The following GLS2 variants were observed in gnomAD, a reference collection of about 807,000 sequenced individuals.
GLS2 encodes glutaminase 2, also known as glutaminase liver isoform, mitochondrial.
GLS2 carries 52 observed loss-of-function variants against 79.0 expected under a neutral mutation model. That is an observed-to-expected ratio of 0.66 (90% CI 0.53 to 0.83). GLS2 has a LOEUF of 0.83. Among genes scored for constraint, GLS2 ranks in the 40% least tolerant of loss-of-function variants. The pLI is 0.00. For missense variants in GLS2, 561 were observed against 764.8 expected (o/e 0.73, Z 3.14); for synonymous variants, 238 against 280.8 (o/e 0.85, Z 1.52).
At chr12:56,473,205 A>G in intron 14 of GLS2, 23 bp downstream of exon 14, 1 of 1,609,312 alleles carries the variant, frequency 6.2e-7, no homozygotes, top group Non-Finnish European at 8.5e-7. Flanking sequence ...ATATTCTTAC[A>G]AGCCACCTGG....
In GLS2 at chr12:56,488,156, A is replaced by G; in HGVS notation, c.-38T>C. On this transcript the variant is annotated 5_prime_UTR_variant, in exon 1 of 18. Coordinates refer to ENST00000311966, the MANE Select transcript of GLS2 (RefSeq NM_013267.4). ...CTCCGGCTCTGCAGGTGCGCCCGGG[A>G]CCTCTAGCTGTGGCTGGGAAGGAGG... is the stretch of plus-strand genomic sequence containing the variant. 1 of 1,507,172 alleles carries G rather than the reference A, an allele frequency of 6.6e-7. No individual in the cohort carries two copies. Among genetic ancestry groups the G allele is most frequent in the African/African-American group, 1.4e-5 (1 of 70,816 alleles). The allele number at this position is 1,507,172 out of a possible 1,614,324, so 93.4% of individuals were successfully genotyped here.
intron 1 of GLS2, among the ~76,000 whole-genome samples, chr12:56,486,671 T>C (rs1445079923): frequency 6.6e-6 from 1 of 152,082 alleles, no homozygotes; most frequent in Non-Finnish European, 1.5e-5. Context: ...TGAAACCCTG[T>C]CTCTACTAAA....
chr12:56,482,212 CAG>C (rs1006604073), intron 1 of GLS2, among the ~76,000 whole-genome samples: 5 of 151,978 alleles, frequency 3.3e-5, no homozygotes, highest in African/African-American at 1.2e-4. Context: ...GCCTGGGTGA[CAG>C]AGTGAGACTT....
chr12:56,472,926 C>T lies in GLS2; in HGVS notation c.1450-175G>A, dbSNP rs555865729. 272 of 573,316 alleles carry T rather than the reference C, an allele frequency of 4.7e-4. 4 individuals carry two copies. The South Asian group carries it at 5.4e-3, about 11-fold the overall frequency. The allele number at this position is 573,316 out of a possible 1,614,324, so 35.5% of individuals were successfully genotyped here. A position where few individuals can be genotyped will look rare whatever the true frequency, so the allele number is the denominator to read the frequency against. On this transcript the variant is annotated intron_variant, in intron 14 of 17. Transcript: ENST00000311966. ...TTTTTGAGACGGAGTCTCGCTCTGT[C>T]GTTCAGGCTGAAGTGTAGTGGCGCG...
chr12:56,472,535 A>G (rs188512388), intron 15 of GLS2, 155 bp downstream of exon 15: 888 of 677,694 alleles, frequency 1.3e-3, no homozygotes, highest in Admixed American at 3.0e-3. Flanking sequence ...TTTTTTTAAA[A>G]AAAATCTCCT....
Position 56,473,247 on chromosome 12 carries a change from C to G in GLS2, c.1430G>C (p.Arg477Pro). 1 of 1,614,080 alleles carries G rather than the reference C, an allele frequency of 6.2e-7. No individual in the cohort carries two copies. The change falls in exon 14 of 18, where the codon CGT becomes CCT. Residue 477 changes from arginine to proline, a missense_variant. Coordinates refer to ENST00000311966, the MANE Select transcript of GLS2 (RefSeq NM_013267.4). The part of the protein sequence containing the change: ...RHCARKLDPR[R>P]EGAEIRNKTV... ...CCTTACCCGAATTTCTGCCCCTTCA[C>G]GCCGTGGGTCTAACTTCCGAGCACA...
At chr12:56,478,416 C>A (rs947167382) in intron 4 of GLS2, 154 bp from the exon 5 acceptor site, 5 of 722,238 alleles carry the variant, frequency 6.9e-6, no homozygotes, top group Non-Finnish European at 1.2e-5. Context: ...CAGAAATGCC[C>A]GAGCCTTAAG....
intron 1 of GLS2, among the ~76,000 whole-genome samples, chr12:56,483,083 C>CTTT (rs756613672): frequency 1.4e-5 from 2 of 141,266 alleles, no homozygotes; most frequent in South Asian, 2.2e-4. Flanking sequence ...CTTTTTCTTT[C>CTTT]TTTTTTTTTT....
chr12:56,478,108 C>T lies in GLS2; in HGVS notation c.615-12G>A. 1 of 1,613,962 alleles carries T rather than the reference C, an allele frequency of 6.2e-7. No homozygotes were observed. Among genetic ancestry groups the T allele is most frequent in the Non-Finnish European group, 8.5e-7 (1 of 1,179,872 alleles). The stretch of plus-strand genomic sequence containing the variant: ...GGCCCACAGAGTGCCTGGAGGCAGA[C>T]AGATGCCATGAAAGGGGTTGGCCTG... On this transcript the variant is annotated splice_polypyrimidine_tract_variant and intron_variant, in intron 5 of 17. Coordinates refer to ENST00000311966, the MANE Select transcript of GLS2 (RefSeq NM_013267.4).
chr12:56,475,929 T>A lies in GLS2; in HGVS notation c.870+16A>T. On this transcript the variant is annotated intron_variant, in intron 8 of 17. Transcript: ENST00000311966. ...TGGCGAAATGCAGCCAGGGGCTAAGTAGCAAGGGAACTTACAAAATCAAAC... is the reference window on the plus strand; with the variant it reads ...TGGCGAAATGCAGCCAGGGGCTAAGAAGCAAGGGAACTTACAAAATCAAAC... 6 of 1,613,748 alleles carry A rather than the reference T, an allele frequency of 3.7e-6. No homozygotes were observed. Among genetic ancestry groups the A allele is most frequent in the Non-Finnish European group, 4.2e-6 (5 of 1,179,852 alleles).
chr12:56,473,862 G>C (rs889467139), intron 12 of GLS2: 3 of 374,018 alleles, frequency 8.0e-6, no homozygotes, highest in Non-Finnish European at 1.4e-5. Flanking sequence ...TCTGGTGTTA[G>C]GAGATAGGTA....
At position 56,474,660 on chromosome 12, in the gene GLS2, C is replaced by G; in HGVS notation, c.1108G>C (p.Gly370Arg). The G allele has an allele frequency of 1.9e-6, 3 of 1,613,776 alleles. No homozygotes were observed. Among genetic ancestry groups the G allele is most frequent in the Non-Finnish European group, 2.5e-6 (3 of 1,179,740 alleles). Residue 370 changes from glycine (G) to arginine (R), a missense_variant, in exon 12 of 18, where the codon GGT becomes CGT. By Grantham distance (125) the Gly-to-Arg change is moderately radical. This residue lies in a region of GLS2 where 221 missense variants were observed against 275.6 expected (regional missense o/e 0.80). Coordinates refer to ENST00000311966, the MANE Select transcript of GLS2 (RefSeq NM_013267.4). ...GSVMAATLAN[G>R]GICPITGESV... is the part of the protein sequence containing the mutation. ...TCGCCTGTGATGGGGCAGATCCCAC[C>G]GTTGGCGAGGGTGGCTGCCATGACA... is the stretch of plus-strand genomic sequence containing the variant.
At chr12:56,478,329 G>A in intron 4 of GLS2, 67 bp from the exon 5 acceptor site, 2 of 1,521,010 alleles carry the variant, frequency 1.3e-6, no homozygotes, top group Admixed American at 3.4e-5. Context: ...GAGGTTGAGG[G>A]TCAAGAGAAT....
Position 56,472,531 on chromosome 12 carries a change from T to TA in GLS2, c.1511+158dup, listed in dbSNP as rs200578396. On this transcript the variant is annotated intron_variant, in intron 15 of 17. Transcript: ENST00000311966. ...CATAGAGCAGACAGTTTACTTTTTTTAAAAAAAATCTCCTTTTTTAAAAAA... is the reference window on the plus strand; with the variant it reads ...CATAGAGCAGACAGTTTACTTTTTTTAAAAAAAAATCTCCTTTTTTAAAAAA... 1.9e-3 allele frequency: 1,266 copies of TA among 662,094 alleles called. 11 individuals carry two copies. The African/African-American group carries it at 0.019, about 10-fold the overall frequency. The allele number at this position is 662,094 out of a possible 1,614,324, so 41.0% of individuals were successfully genotyped here.
chr12:56,476,589 A>G (rs1869837010), intron 7 of GLS2: 1 of 145,248 alleles, frequency 6.9e-6, no homozygotes, highest in African/African-American at 2.6e-5. Flanking sequence ...ACCCTGCCTC[A>G]ATTTTTTTTT....
In GLS2 at chr12:56,488,041, C is replaced by T; in HGVS notation, c.78G>A (p.Pro26=). The T allele has an allele frequency of 1.3e-6, 2 of 1,590,524 alleles. No individual in the cohort carries two copies. The highest frequency in any genetic ancestry group is 1.7e-5 in the Admixed American group (1 of 58,500). Residue 26 remains proline, a synonymous_variant, in exon 1 of 18, where the codon CCG becomes CCA. Coordinates refer to ENST00000311966, the MANE Select transcript of GLS2 (RefSeq NM_013267.4). ...CCCCGCCAAGGAGGGGGCTCCGGCT[C>T]GGGTGACCCCAGCCTCCTCGCCCGC... ...SHCGRGGWGH[P]SRSPLLGGGV...
rs371631854 is a variant in GLS2 at position 56,479,067 on chromosome 12, C to T, written c.519G>A (p.Glu173=). The T allele has an allele frequency of 9.3e-6, 15 of 1,613,658 alleles. No homozygotes were observed. The highest frequency in any genetic ancestry group is 1.3e-5 in the Non-Finnish European group (15 of 1,179,934). The stretch of plus-strand genomic sequence containing the variant: ...TGACTCTCACTTTGCCTCCAGTGAG[C>T]TCTTTGACATCCTCAAAGATGCGAT... ...HVDRIFEDVK[E]LTGGKVAAYI... is the part of the protein sequence containing the mutation. The change falls in exon 4 of 18, where the codon GAG becomes GAA. Residue 173 remains glutamate, a synonymous_variant. Transcript: ENST00000311966.
chr12:56,477,871 T>G, intron 6 of GLS2, 62 bp downstream of exon 6: 1 of 1,563,784 alleles, frequency 6.4e-7, no homozygotes, highest in Non-Finnish European at 8.7e-7. Flanking sequence ...GGCTGGGAGA[T>G]GGGGTGGGGA....
chr12:56,475,929 T>C lies in GLS2; in HGVS notation c.870+16A>G. ...TGGCGAAATGCAGCCAGGGGCTAAGTAGCAAGGGAACTTACAAAATCAAAC... is the reference window on the plus strand; with the variant it reads ...TGGCGAAATGCAGCCAGGGGCTAAGCAGCAAGGGAACTTACAAAATCAAAC... On this transcript the variant is annotated intron_variant, in intron 8 of 17. Coordinates refer to ENST00000311966, the MANE Select transcript of GLS2 (RefSeq NM_013267.4). 1 of 1,613,748 alleles carries C rather than the reference T, an allele frequency of 6.2e-7. No individual in the cohort carries two copies. Among genetic ancestry groups the C allele is most frequent in the Non-Finnish European group, 8.5e-7 (1 of 1,179,852 alleles).
Sources: gnomAD v4.1 joint callset for allele counts (sites outside exome capture counted in the v4.1 genomes callset) on GRCh38, gnomAD v4.1.1 for gene constraint, gnomAD v4.1.1 regional missense constraint, MANE v1.5 for transcripts, NCBI Gene and HGNC (gene_info 2026-07-23, HGNC 2026-07-21) for gene names.